The following CNGB3 variants were observed in gnomAD, a reference collection of about 807,000 sequenced individuals.
The protein encoded by CNGB3 is cyclic nucleotide-gated channel beta-3.
Under a neutral mutation model 92.8 loss-of-function variants are expected in CNGB3, and 86 were observed. That is an observed-to-expected ratio of 0.93 (90% CI 0.78 to 1.11). CNGB3 has a LOEUF of 1.11. Ranked by LOEUF, CNGB3 falls within the 50% of genes least tolerant of loss-of-function variation. The probability of loss-of-function intolerance (pLI) is 0.00; values close to 1 mark genes in which losing one functional copy is unlikely to be tolerated. For synonymous variants in CNGB3, 333 were observed against 332.7 expected (o/e 1.00, Z -0.01); for missense variants, 1,026 against 956.8 (o/e 1.07, Z -0.95).
In CNGB3 at chr8:86,709,320, T is replaced by G. The variant is rs191121913; in HGVS notation, c.338+17211A>C. ...TTTTCCTCTAATTGTACCTATTTTG[T>G]CAACTTGTCCCCTGGCTACGTTTTC... is the stretch of plus-strand genomic sequence containing the variant. On this transcript the variant is annotated intron_variant, in intron 3 of 17. Transcript: ENST00000320005. Among the ~76,000 whole-genome samples, 361 of 152,304 alleles carry G rather than the reference T, an allele frequency of 2.4e-3. 1 individual carries two copies. The highest frequency in any genetic ancestry group is 4.1e-3 in the Admixed American group (62 of 15,296).
Position 86,666,888 on chromosome 8 carries a change from C to A in CNGB3, c.852+37G>T. On this transcript the variant is annotated intron_variant, in intron 6 of 17. Transcript: ENST00000320005. The stretch of plus-strand genomic sequence containing the variant: ...TTTTGTAGCCCAATTAGATGTTATT[C>A]ACGTTTCAGTTTCTGCCTTTCCCGA... 2.6e-6 allele frequency: 4 copies of A among 1,511,376 alleles called. No individual in the cohort carries two copies. The South Asian group carries it at 3.4e-5, about 13-fold the overall frequency. The allele number at this position is 1,511,376 out of a possible 1,614,324, so 93.6% of individuals were successfully genotyped here. A position where few individuals can be genotyped will look rare whatever the true frequency, so the allele number is the denominator to read the frequency against.
At chr8:86,658,414 G>T in intron 6 of CNGB3, 1 of 425,662 alleles carries the variant, frequency 2.3e-6, no homozygotes, top group Admixed American at 2.9e-5. Context: ...TGCTACTTCT[G>T]CTGGCTGGTA....
At chr8:86,723,539 A>T (rs894662857) in intron 3 of CNGB3, among the ~76,000 whole-genome samples, 1 of 152,122 alleles carries the variant, frequency 6.6e-6, no homozygotes, top group East Asian at 1.9e-4. Context: ...ATGTATAAAA[A>T]CTCTGTCCCT....
chr8:86,604,260 ATTATGC>A, intron 14 of CNGB3, 49 bp from the exon 15 acceptor site: 1 of 1,145,646 alleles, frequency 8.7e-7, no homozygotes, highest in East Asian at 2.4e-5. Flanking sequence ...ATTCTTGATA[ATTATGC>A]TGTAAATTAA....
Position 86,683,550 on chromosome 8 carries a change from C to A in CNGB3, c.339-12452G>T, listed in dbSNP as rs115692611. On this transcript the variant is annotated intron_variant, in intron 3 of 17. Transcript: ENST00000320005. ...GTACATTGAAACATTCCTTAAGATG[C>A]AAACAGATGGTAATAACTTTTCTTT... Among the ~76,000 whole-genome samples the A allele has an allele frequency of 2.9e-3, 436 of 152,246 alleles. 3 individuals are homozygous for A. Among genetic ancestry groups the A allele is most frequent in the African/African-American group, 0.01 (422 of 41,548 alleles).
intron 2 of CNGB3, among the ~76,000 whole-genome samples, chr8:86,739,100 T>C (rs2131683292): frequency 6.6e-6 from 1 of 152,168 alleles, no homozygotes; most frequent in Middle Eastern, 3.4e-3. Context: ...CATCTAGTGA[T>C]GAGTTGAAAA....
chr8:86,590,129 C>G (rs201682957), intron 15 of CNGB3, among the ~76,000 whole-genome samples: 1 of 151,724 alleles, frequency 6.6e-6, no homozygotes, highest in Non-Finnish European at 1.5e-5. Context: ...TTTTTGGTTT[C>G]AAGTCTGTTT....
intron 11 of CNGB3, among the ~76,000 whole-genome samples, chr8:86,632,426 T>C (rs1822981098): frequency 6.6e-6 from 1 of 152,124 alleles, no homozygotes; most frequent in Non-Finnish European, 1.5e-5. Flanking sequence ...AGTGATTTTA[T>C]AACAATATTT....
intron 6 of CNGB3, chr8:86,662,038 A>G (rs951393547): frequency 3.2e-5 from 10 of 314,052 alleles, no homozygotes; most frequent in African/African-American, 1.9e-4. Flanking sequence ...GCCCAGGTGC[A>G]GGGCTGCGAG....
At chr8:86,610,107 T>C (rs1585967677) in intron 14 of CNGB3, among the ~76,000 whole-genome samples, 1 of 151,822 alleles carries the variant, frequency 6.6e-6, no homozygotes, top group African/African-American at 2.4e-5. Context: ...GATATAGGAG[T>C]TTTAAATAAT....
At chr8:86,607,305 T>C (rs897037861) in intron 14 of CNGB3, among the ~76,000 whole-genome samples, 2 of 152,224 alleles carry the variant, frequency 1.3e-5, no homozygotes, top group Non-Finnish European at 1.5e-5. Flanking sequence ...GAATAAGGGC[T>C]GACAGCATGT....
intron 3 of CNGB3, among the ~76,000 whole-genome samples, chr8:86,678,016 G>T (rs1455681474): frequency 1.3e-5 from 2 of 151,870 alleles, no homozygotes; most frequent in Non-Finnish European, 2.9e-5. Flanking sequence ...ATCCCAGTTG[G>T]TTCAATTTTT....
chr8:86,597,184 G>A (rs1258873330), intron 15 of CNGB3, among the ~76,000 whole-genome samples: 1 of 152,138 alleles, frequency 6.6e-6, no homozygotes, highest in Non-Finnish European at 1.5e-5. Flanking sequence ...AAAACAATGT[G>A]GCTTTTCTAA....
intron 14 of CNGB3, 46 bp downstream of exon 14, chr8:86,611,534 GAAATCCTC>G: frequency 7.1e-7 from 1 of 1,415,308 alleles, no homozygotes; most frequent in South Asian, 1.1e-5. Flanking sequence ...ACTTATGTCC[GAAATCCTC>G]AAATGCATTT....
At position 86,658,658 on chromosome 8, in the gene CNGB3, T is replaced by C. The variant is rs1823568157; in HGVS notation, c.853-4596A>G. ...TCTGAGCCTCTTGGCTCTTCAGCTC[T>C]ACCATCTCCTTCAGCTCACCCAGCT... On this transcript the variant is annotated intron_variant, in intron 6 of 17. Transcript: ENST00000320005. 8.4e-6 allele frequency: 3 copies of C among 356,688 alleles called. 1 individual carries two copies. Among genetic ancestry groups the C allele is most frequent in the Non-Finnish European group, 1.6e-5 (3 of 188,802 alleles). The allele number at this position is 356,688 out of a possible 1,614,324, so 22.1% of individuals were successfully genotyped here. A position where few individuals can be genotyped will look rare whatever the true frequency, so the allele number is the denominator to read the frequency against.
intron 5 of CNGB3, 112 bp from the exon 6 acceptor site, chr8:86,667,245 T>G: frequency 1.2e-6 from 1 of 868,248 alleles, no homozygotes; most frequent in Non-Finnish European, 1.9e-6. Flanking sequence ...TAATTTGCCA[T>G]AGGAGGCTCT....
At chr8:86,720,546 G>A (rs554832201) in intron 3 of CNGB3, among the ~76,000 whole-genome samples, 22 of 152,206 alleles carry the variant, frequency 1.4e-4, no homozygotes, top group African/African-American at 5.1e-4. Flanking sequence ...TACACTGTTG[G>A]TGGGAATGTA....
intron 6 of CNGB3, chr8:86,660,487 G>A (rs1823617031): frequency 1.9e-6 from 1 of 525,494 alleles, no homozygotes; most frequent in African/African-American, 1.9e-5. Context: ...AAAGGGAAAG[G>A]AAGCATGGCC....
At chr8:86,667,264 T>C (rs1204240548) in intron 5 of CNGB3, 131 bp from the exon 6 acceptor site, 3 of 747,432 alleles carry the variant, frequency 4.0e-6, no homozygotes, top group Non-Finnish European at 7.1e-6. Flanking sequence ...CTATTAAACA[T>C]TCAACACCAT....
Sources: allele counts gnomAD v4.1 joint callset (sites outside exome capture counted in the v4.1 genomes callset), GRCh38; gene constraint gnomAD v4.1.1; transcripts MANE v1.5; gene names NCBI Gene and HGNC (gene_info 2026-07-23, HGNC 2026-07-21).